The following ZNF860 variants were observed in gnomAD, a reference collection of about 807,000 sequenced individuals.
The protein encoded by ZNF860 is zinc finger protein 860.
For synonymous variants in ZNF860, 206 were observed against 248.9 expected, an observed-to-expected ratio of 0.83 and a Z score of 1.62; for missense variants, 641 against 759.2, an observed-to-expected ratio of 0.84 and a Z score of 1.83.
chr3:31,992,432 T>A (rs1699044126), downstream of ZNF860, among the ~76,000 whole-genome samples: 1 of 152,174 alleles, frequency 6.6e-6, no homozygotes, highest in African/African-American at 2.4e-5. Context: ...AAAATCAAGG[T>A]ATCAGTAGAG....
At chr3:31,983,095 G>C (rs1252250391) in intron 1 of ZNF860, among the ~76,000 whole-genome samples, 2 of 152,196 alleles carry the variant, frequency 1.3e-5, no homozygotes, top group Non-Finnish European at 2.9e-5. Flanking sequence ...GTTAGTGTTG[G>C]CCATGTAACA....
chr3:32,001,592 T>C, the ZNF860 span, among the ~76,000 whole-genome samples: 2 of 152,184 alleles, frequency 1.3e-5, no homozygotes, highest in Admixed American at 6.5e-5. Context: ...ATTACAGAGA[T>C]TTATATTCTG....
chr3:31,989,458 A>T lies in ZNF860; in HGVS notation c.379A>T (p.Thr127Ser). The T allele has an allele frequency of 6.2e-7, 1 of 1,614,250 alleles. No homozygotes were observed. The highest frequency in any genetic ancestry group is 2.2e-5 in the East Asian group (1 of 44,884). ...QEDKRNSHEA[T>S]MTQIKKLTGS... ...AGACAAAAGAAATAGCCATGAAGCA[A>T]CTATGACACAAATCAAAAAGTTGAC... Residue 127 changes from threonine to serine, a missense_variant, in exon 2 of 2, where the codon ACT becomes TCT. By Grantham distance (58) the Thr-to-Ser change is moderately conservative. Coordinates refer to ENST00000360311, the MANE Select transcript of ZNF860 (RefSeq NM_001137674.3).
Position 31,988,607 on chromosome 3 carries a change from G to A in ZNF860, c.-420-53G>A, listed in dbSNP as rs1028640329. On this transcript the variant is annotated intron_variant, in intron 1 of 1. Coordinates refer to ENST00000360311, the MANE Select transcript of ZNF860 (RefSeq NM_001137674.3). ...TATAAACAGGGGAGTGTTCACTCTC[G>A]CTCTCTCTCTCTCTTTCTCTCTCCC... 9.2e-4 allele frequency: 157 copies of A among 171,170 alleles called. 2 individuals are homozygous for A. Among genetic ancestry groups the A allele is most frequent in the African/African-American group, 3.4e-3 (141 of 41,702 alleles). The allele number at this position is 171,170 out of a possible 1,614,324, so 10.6% of individuals were successfully genotyped here. A position where few individuals can be genotyped will look rare whatever the true frequency, so the allele number is the denominator to read the frequency against.
rs1013410754 is a variant in ZNF860, at chr3:31,987,833, A to G, written c.-420-827A>G. Reference sequence around the variant, plus strand: ...AGACCTATACTTCACACTTTATGCAAAAGTCACCTCCAAGTGGATCAGAAA... The same window carrying G: ...AGACCTATACTTCACACTTTATGCAGAAGTCACCTCCAAGTGGATCAGAAA... On this transcript the variant is annotated intron_variant, in intron 1 of 1. Coordinates refer to ENST00000360311, the MANE Select transcript of ZNF860 (RefSeq NM_001137674.3). Among the ~76,000 whole-genome samples the G allele has an allele frequency of 3.3e-5, 5 of 152,276 alleles. No homozygotes were observed. In the East Asian group the frequency reaches 7.7e-4, roughly 23 times the overall value.
Position 31,990,346 on chromosome 3 carries a change from G to A in ZNF860, c.1267G>A (p.Glu423Lys), listed in dbSNP as rs1699010339. The change falls in exon 2 of 2, where the codon GAG (glutamate) becomes AAG (lysine). Residue 423 changes from glutamate to lysine, a missense_variant. Coordinates refer to ENST00000360311, the MANE Select transcript of ZNF860 (RefSeq NM_001137674.3). ...IANHWRIHNEERSYKCNKCGK... is the reference protein window; with the variant it reads ...IANHWRIHNEKRSYKCNKCGK... ...AAATCATTGGAGAATCCATAATGAA[G>A]AGAGATCTTACAAGTGTAATAAATG... is the stretch of plus-strand genomic sequence containing the variant. 6.2e-7 allele frequency: 1 copy of A among 1,613,992 alleles called. No homozygotes were observed. Among genetic ancestry groups the A allele is most frequent in the Non-Finnish European group, 8.5e-7 (1 of 1,180,004 alleles).
the ZNF860 span, among the ~76,000 whole-genome samples, chr3:32,003,296 G>A: frequency 3.3e-5 from 5 of 152,196 alleles, no homozygotes. Context: ...TCATTAGCGT[G>A]GTCTTCCTAT....
downstream of ZNF860, among the ~76,000 whole-genome samples, chr3:31,995,035 G>A (rs1699075824): frequency 6.6e-6 from 1 of 152,172 alleles, no homozygotes; most frequent in African/African-American, 2.4e-5. Flanking sequence ...ATAGGGAGTA[G>A]GTCACATGCT....
At chr3:31,995,371 T>C (rs1699080764), downstream of ZNF860, among the ~76,000 whole-genome samples, 1 of 152,198 alleles carries the variant, frequency 6.6e-6, no homozygotes, top group Non-Finnish European at 1.5e-5. Context: ...AGGGTCTTAA[T>C]ATTCCTTGCT....
downstream of ZNF860, among the ~76,000 whole-genome samples, chr3:31,994,405 AT>A (rs1324435330): frequency 1.3e-5 from 2 of 152,178 alleles, no homozygotes; most frequent in Non-Finnish European, 2.9e-5. Flanking sequence ...TCTCAAACAA[AT>A]TTTTAAAAAA....
chr3:31,983,742 G>A (rs375530359), intron 1 of ZNF860, among the ~76,000 whole-genome samples: 15 of 152,158 alleles, frequency 9.9e-5, no homozygotes, highest in African/African-American at 1.4e-4. Flanking sequence ...TTGACCTACC[G>A]TAGTATAGCA....
the ZNF860 span, among the ~76,000 whole-genome samples, chr3:31,998,937 T>A: frequency 6.6e-6 from 1 of 152,236 alleles, no homozygotes; most frequent in Non-Finnish European, 1.5e-5. Flanking sequence ...TTAGTATAAG[T>A]GGATATTTAA....
chr3:31,989,875 G>C lies in ZNF860; in HGVS notation c.796G>C (p.Val266Leu). The stretch of plus-strand genomic sequence containing the variant: ...ATATAAATGTGATGTATGTGGCAAG[G>C]TCTTTAATCAGAAGCGATACCTTGC... ...KQYKCDVCGKVFNQKRYLACH... is the reference protein window; with the variant it reads ...KQYKCDVCGKLFNQKRYLACH... Residue 266 changes from valine to leucine, a missense_variant, in exon 2 of 2, where the codon GTC becomes CTC. Coordinates refer to ENST00000360311, the MANE Select transcript of ZNF860 (RefSeq NM_001137674.3). 6.2e-7 allele frequency: 1 copy of C among 1,614,120 alleles called. No homozygotes were observed. Among genetic ancestry groups the C allele is most frequent in the Non-Finnish European group, 8.5e-7 (1 of 1,180,016 alleles).
chr3:31,987,187 T>G (rs532661544), intron 1 of ZNF860, among the ~76,000 whole-genome samples: 30 of 152,336 alleles, frequency 2.0e-4, no homozygotes, highest in African/African-American at 6.5e-4. Context: ...TGCATAGTTG[T>G]ATATCATTTT....
downstream of ZNF860, among the ~76,000 whole-genome samples, chr3:31,993,638 A>G (rs1054933533): frequency 6.6e-6 from 1 of 152,174 alleles, no homozygotes; most frequent in Admixed American, 6.5e-5. Flanking sequence ...GTAAAACTAC[A>G]ATGAGATACT....
chr3:31,993,439 C>T (rs1299233663), downstream of ZNF860, among the ~76,000 whole-genome samples: 2 of 151,960 alleles, frequency 1.3e-5, no homozygotes, highest in African/African-American at 4.8e-5. Flanking sequence ...AACTCCTGAC[C>T]TCAGGTGATC....
Position 31,990,307 on chromosome 3 carries a change from G to A in ZNF860, c.1228G>A (p.Ala410Thr). The change falls in exon 2 of 2, where the codon GCT becomes ACT. Residue 410 changes from alanine to threonine, a missense_variant. Coordinates refer to ENST00000360311, the MANE Select transcript of ZNF860 (RefSeq NM_001137674.3). The part of the protein sequence containing the change: ...CNDCHKVFSN[A>T]TTIANHWRIH... The stretch of plus-strand genomic sequence containing the variant: ...TGATTGTCACAAAGTCTTCAGTAAT[G>A]CTACAACCATTGCAAATCATTGGAG... The A allele has an allele frequency of 6.2e-6, 10 of 1,614,062 alleles. No homozygotes were observed. Among genetic ancestry groups the A allele is most frequent in the Non-Finnish European group, 8.5e-6 (10 of 1,179,988 alleles).
At chr3:31,987,334 T>C (rs1196622892) in intron 1 of ZNF860, among the ~76,000 whole-genome samples, 1 of 152,246 alleles carries the variant, frequency 6.6e-6, no homozygotes, top group East Asian at 1.9e-4. Context: ...ACTGTCTATA[T>C]GCACCCTAAT....
the ZNF860 span, among the ~76,000 whole-genome samples, chr3:32,005,334 C>T: frequency 1.3e-5 from 2 of 152,064 alleles, no homozygotes; most frequent in Admixed American, 6.6e-5. Context: ...GTATCTATTC[C>T]ATAGTATTAT....
Sources: gnomAD v4.1 joint callset for allele counts (sites outside exome capture counted in the v4.1 genomes callset) on GRCh38, gnomAD v4.1.1 for gene constraint, MANE v1.5 for transcripts, NCBI Gene and HGNC (gene_info 2026-07-23, HGNC 2026-07-21) for gene names.